ATG3: variants seen among roughly 807,000 people sequenced by gnomAD.
The protein encoded by ATG3 is autophagy related 3.
In ATG3, 25 loss-of-function variants were observed where a neutral mutation model predicts 50.7. That is an observed-to-expected ratio of 0.49 (90% CI 0.36 to 0.69). The LOEUF (loss-of-function observed/expected upper bound fraction) is 0.69, where lower values mean the gene tolerates loss of function less well. ATG3 is among the 30% of genes least tolerant of loss of function. ATG3 has a pLI of 0.00. For missense variants in ATG3, 281 were observed against 376.0 expected (o/e 0.75, Z 2.09); for synonymous variants, 119 against 125.5 (o/e 0.95, Z 0.34).
At chr3:112,538,244 TTAAG>T in intron 7 of ATG3, 64 bp from the exon 8 acceptor site, 1 of 1,283,050 alleles carries the variant, frequency 7.8e-7, no homozygotes, top group Non-Finnish European at 1.1e-6. Flanking sequence ...CTAAACCAAT[TTAAG>T]TATTACTTCA....
At chr3:112,538,247 A>G (rs1933128395) in intron 7 of ATG3, 67 bp from the exon 8 acceptor site, 13 of 1,245,190 alleles carry the variant, frequency 1.0e-5, no homozygotes, top group African/African-American at 1.5e-5. Context: ...AACCAATTTA[A>G]GTATTACTTC....
intron 5 of ATG3, among the ~76,000 whole-genome samples, chr3:112,547,918 A>G (rs1933411821): frequency 6.6e-6 from 1 of 152,270 alleles, no homozygotes; most frequent in Admixed American, 6.5e-5. Flanking sequence ...TGGAATGACA[A>G]TGACATGTAA....
At chr3:112,543,253 A>C (rs1461843732) in intron 6 of ATG3, among the ~76,000 whole-genome samples, 1 of 152,148 alleles carries the variant, frequency 6.6e-6, no homozygotes, top group African/African-American at 2.4e-5. Flanking sequence ...AAAAATAATT[A>C]AGACAAGGGT....
chr3:112,543,127 A>T (rs1479569339), intron 6 of ATG3, among the ~76,000 whole-genome samples: 2 of 152,092 alleles, frequency 1.3e-5, no homozygotes, highest in Admixed American at 1.3e-4. Flanking sequence ...GAAAGATCCA[A>T]ATGACAAAAA....
chr3:112,538,250 A>G lies in ATG3; in HGVS notation c.476-70T>C, dbSNP rs951852094. On this transcript the variant is annotated intron_variant, in intron 7 of 11. Coordinates refer to ENST00000283290, the MANE Select transcript of ATG3 (RefSeq NM_022488.5). ...GAAAATTCCCTAAACCAATTTAAGT[A>G]TTACTTCATAGTATCATTCAAAAAC... is the stretch of plus-strand genomic sequence containing the variant. The G allele has an allele frequency of 6.6e-6, 8 of 1,209,148 alleles. No homozygotes were observed. In the African/African-American group the frequency reaches 1.3e-4, roughly 19 times the overall value. The allele number at this position is 1,209,148 out of a possible 1,614,324, so 74.9% of individuals were successfully genotyped here.
intron 6 of ATG3, among the ~76,000 whole-genome samples, chr3:112,542,730 A>C (rs1234947468): frequency 6.6e-6 from 1 of 152,066 alleles, no homozygotes; most frequent in Non-Finnish European, 1.5e-5. Flanking sequence ...ATACTTGATA[A>C]AGTAGAATAG....
chr3:112,546,135 T>TA (rs759377926), intron 5 of ATG3, among the ~76,000 whole-genome samples: 43 of 150,970 alleles, frequency 2.8e-4, no homozygotes, highest in South Asian at 8.4e-4. Context: ...TCAATTCCTC[T>TA]AAAAAAAACA....
At chr3:112,561,382 G>A in intron 1 of ATG3, 75 bp downstream of exon 1, 2 of 1,482,712 alleles carry the variant, frequency 1.3e-6, no homozygotes, top group Middle Eastern at 1.7e-4. Flanking sequence ...GAGAAAGCGG[G>A]GACTCCTGCG....
At chr3:112,558,590 T>C (rs750816130) in intron 1 of ATG3, among the ~76,000 whole-genome samples, 173 bp from the exon 2 acceptor site, 7 of 152,210 alleles carry the variant, frequency 4.6e-5, no homozygotes, top group African/African-American at 1.4e-4. Context: ...ACCTACCTCA[T>C]TGGTATCTAT....
chr3:112,551,099 A>T (rs1345147979), intron 3 of ATG3, among the ~76,000 whole-genome samples: 1 of 152,182 alleles, frequency 6.6e-6, no homozygotes, highest in Admixed American at 6.5e-5. Context: ...CTTCTTAAGA[A>T]TTTGTGGGTC....
At chr3:112,543,869 T>C in intron 6 of ATG3, 188 bp downstream of exon 6, 1 of 439,828 alleles carries the variant, frequency 2.3e-6, no homozygotes, top group Non-Finnish European at 4.2e-6. Flanking sequence ...TAGGCAGCAG[T>C]AGTGTTTTGG....
At position 112,561,543 on chromosome 3, in the gene ATG3, A is replaced by G. The variant is rs774466289; in HGVS notation, c.-15T>C. 6.4e-7 allele frequency: 1 copy of G among 1,556,952 alleles called. No individual in the cohort carries two copies. On this transcript the variant is annotated 5_prime_UTR_variant, in exon 1 of 12. Coordinates refer to ENST00000283290, the MANE Select transcript of ATG3 (RefSeq NM_022488.5). ...ACATTCTGCATCCTGGGGCCGGAGT[A>G]GCGGCCGGCCCCGCGACGGGATGGA...
chr3:112,533,571 A>G lies in ATG3; in HGVS notation c.863+698T>C, dbSNP rs560605017. On this transcript the variant is annotated intron_variant, in intron 11 of 11. Coordinates refer to ENST00000283290, the MANE Select transcript of ATG3 (RefSeq NM_022488.5). ...TTAGTCTCCACATCTAATCTAACAC[A>G]TAGTAGCCGAAACCACCACCAAGTC... 6 of 985,374 alleles carry G rather than the reference A, an allele frequency of 6.1e-6. No individual in the cohort carries two copies. The East Asian group carries it at 6.8e-4, about 112-fold the overall frequency. 61.0% of individuals were successfully genotyped at this position (985,374 alleles called of 1,614,324 possible).
chr3:112,541,796 G>T lies in ATG3; in HGVS notation c.475+7C>A. The T allele has an allele frequency of 6.2e-7, 1 of 1,604,418 alleles. No individual in the cohort carries two copies. Among genetic ancestry groups the T allele is most frequent in the Non-Finnish European group, 8.5e-7 (1 of 1,174,004 alleles). ...GTGGAACTGAAGCAAATCTAGAACA[G>T]GAATACCTTCCATATCTGCAGCTTC... On this transcript the variant is annotated splice_region_variant and intron_variant, in intron 7 of 11. Coordinates refer to ENST00000283290, the MANE Select transcript of ATG3 (RefSeq NM_022488.5).
chr3:112,539,569 A>AT (rs1480213253), intron 7 of ATG3, among the ~76,000 whole-genome samples: 1 of 151,768 alleles, frequency 6.6e-6, no homozygotes, highest in African/African-American at 2.4e-5. Context: ...TTCTTCCTTT[A>AT]TTTTTTCCTT....
At chr3:112,546,279 A>G (rs1933366640) in intron 5 of ATG3, among the ~76,000 whole-genome samples, 1 of 152,220 alleles carries the variant, frequency 6.6e-6, no homozygotes, top group Non-Finnish European at 1.5e-5. Context: ...CTGAAAGCAC[A>G]GATAGTACCA....
At chr3:112,546,791 T>A (rs1405278235) in intron 5 of ATG3, among the ~76,000 whole-genome samples, 2 of 152,116 alleles carry the variant, frequency 1.3e-5, no homozygotes, top group African/African-American at 4.8e-5. Flanking sequence ...CTTCCAGGCA[T>A]GGAAAAGTCA....
chr3:112,548,644 TAA>T lies in ATG3; in HGVS notation c.236-6_236-5del. On this transcript the variant is annotated splice_region_variant and splice_polypyrimidine_tract_variant and intron_variant, in intron 4 of 11. Coordinates refer to ENST00000283290, the MANE Select transcript of ATG3 (RefSeq NM_022488.5). ...TTGCACCGCTTATAGCACGGCACTA[TAA>T]AAAAAATGGTAAATACAGTTAACTA... 6.3e-7 allele frequency: 1 copy of T among 1,591,624 alleles called. No homozygotes were observed.
chr3:112,553,189 A>C lies in ATG3; in HGVS notation c.164+91T>G. 11 of 1,076,264 alleles carry C rather than the reference A, an allele frequency of 1.0e-5. 1 individual carries two copies. In the South Asian group the frequency reaches 1.3e-4, roughly 13 times the overall value. The allele number at this position is 1,076,264 out of a possible 1,614,324, so 66.7% of individuals were successfully genotyped here. A position where few individuals can be genotyped will look rare whatever the true frequency, so the allele number is the denominator to read the frequency against. ...GGGGGAAAGTTAAACTGGTCATTCT[A>C]ATTTTCATCCATTAACCTATTTTGC... On this transcript the variant is annotated intron_variant, in intron 3 of 11. Coordinates refer to ENST00000283290, the MANE Select transcript of ATG3 (RefSeq NM_022488.5).
Sources: gnomAD v4.1 joint callset for allele counts (sites outside exome capture counted in the v4.1 genomes callset) on GRCh38, gnomAD v4.1.1 for gene constraint, MANE v1.5 for transcripts, NCBI Gene and HGNC (gene_info 2026-07-23, HGNC 2026-07-21) for gene names.